The following PDE4D variants were observed in gnomAD, a reference collection of about 807,000 sequenced individuals.
PDE4D encodes phosphodiesterase 4D.
A neutral mutation model predicts 87.4 loss-of-function variants in PDE4D; 24 were observed. The ratio of observed to expected loss-of-function variants is 0.27; its 90% confidence interval spans 0.20 to 0.39. The LOEUF is 0.39. Ranked by LOEUF, PDE4D falls within the 10% of genes least tolerant of loss-of-function variation. PDE4D has a pLI of 1.00. For missense variants in PDE4D, 714 were observed against 1,041.0 expected, an observed-to-expected ratio of 0.69 and a Z score of 4.32; for synonymous variants, 384 against 383.2, an observed-to-expected ratio of 1.00 and a Z score of -0.02.
At chr5:60,077,160 G>A (rs1364851784) in intron 2 of PDE4D, among the ~76,000 whole-genome samples, 1 of 152,206 alleles carries the variant, frequency 6.6e-6, no homozygotes, top group African/African-American at 2.4e-5. Context: ...GGCAGGGCTG[G>A]TGGGCTCTGT....
Position 59,010,606 on chromosome 5 carries a change from T to C in PDE4D, c.922-17141A>G, listed in dbSNP as rs376683100. On this transcript the variant is annotated intron_variant, in intron 6 of 14. Transcript: ENST00000340635. ...CATCGAATAGCGAATGAGTATCCTT[T>C]GTATGCTCATTCTAGGCTGTAAGTA... Among the ~76,000 whole-genome samples the C allele has an allele frequency of 4.6e-5, 7 of 152,202 alleles. No individual in the cohort carries two copies. In the East Asian group the frequency reaches 9.7e-4, roughly 21 times the overall value.
At chr5:59,054,731 A>G (rs563119048) in intron 5 of PDE4D, among the ~76,000 whole-genome samples, 2 of 152,244 alleles carry the variant, frequency 1.3e-5, no homozygotes, top group Non-Finnish European at 2.9e-5. Context: ...TATCCTTACT[A>G]TGTATGATTC....
intron 1 of PDE4D, among the ~76,000 whole-genome samples, chr5:60,262,025 C>A (rs1749695803): frequency 6.6e-6 from 1 of 152,188 alleles, no homozygotes; most frequent in African/African-American, 2.4e-5. Context: ...TTTCTAGTCT[C>A]TTCACCAACC....
chr5:59,556,606 G>T (rs1478122888), intron 1 of PDE4D, among the ~76,000 whole-genome samples: 1 of 152,130 alleles, frequency 6.6e-6, no homozygotes, highest in African/African-American at 2.4e-5. Context: ...CTGAGAAATG[G>T]ATGTTGTGTT....
chr5:60,163,723 C>T lies in PDE4D; in HGVS notation c.42+21834G>A, dbSNP rs74399841. On this transcript the variant is annotated intron_variant, in intron 2 of 16. Coordinates refer to the PDE4D transcript ENST00000502484. ...ACTGCCAAGTCTGTAAACTTATTTC[C>T]TCCAACCTTTCATTCAAGGAGGCAC... 3.6e-3 allele frequency among the ~76,000 whole-genome samples: 549 copies of T among 152,260 alleles called. 21 individuals carry two copies. The East Asian group carries it at 0.086, about 24-fold the overall frequency.
chr5:60,334,310 C>T (rs1757559902), intron 1 of PDE4D, among the ~76,000 whole-genome samples: 1 of 152,084 alleles, frequency 6.6e-6, no homozygotes, highest in Non-Finnish European at 1.5e-5. Flanking sequence ...AACAACTCAC[C>T]CCAGCCTGAC....
chr5:59,507,664 C>CAAA (rs1284106865), intron 1 of PDE4D, among the ~76,000 whole-genome samples: 5 of 79,818 alleles, frequency 6.3e-5, no homozygotes, highest in African/African-American at 2.1e-4. Context: ...TACCCTGTCT[C>CAAA]AAAAAAAAAA....
At chr5:59,572,616 G>T (rs1396242999) in intron 1 of PDE4D, among the ~76,000 whole-genome samples, 1 of 152,132 alleles carries the variant, frequency 6.6e-6, no homozygotes, top group African/African-American at 2.4e-5. Context: ...GAGTAGCTGG[G>T]ACTACAGGCG....
intron 2 of PDE4D, among the ~76,000 whole-genome samples, chr5:60,153,926 G>C (rs1051414336): frequency 5.3e-5 from 8 of 152,176 alleles, no homozygotes; most frequent in Non-Finnish European, 1.0e-4. Flanking sequence ...ATAAGTCCTA[G>C]AGATTGTCAA....
At chr5:59,038,570 T>C (rs970531509) in intron 6 of PDE4D, among the ~76,000 whole-genome samples, 1 of 152,166 alleles carries the variant, frequency 6.6e-6, no homozygotes, top group Non-Finnish European at 1.5e-5. Context: ...GCAATGCCCA[T>C]GGACCCTACT....
chr5:60,269,548 CA>C (rs1192971655), intron 1 of PDE4D, among the ~76,000 whole-genome samples: 1 of 152,002 alleles, frequency 6.6e-6, no homozygotes, highest in Non-Finnish European at 1.5e-5. Context: ...CTTAAAAGAC[CA>C]ATTTGGTTAT....
intron 1 of PDE4D, among the ~76,000 whole-genome samples, chr5:60,440,742 A>G (rs539737872): frequency 7.0e-4 from 107 of 152,300 alleles, no homozygotes; most frequent in African/African-American, 2.4e-3. Context: ...TAATAATAGC[A>G]TAAATTCATT....
intron 1 of PDE4D, among the ~76,000 whole-genome samples, chr5:59,629,211 T>G (rs1831263610): frequency 6.6e-6 from 1 of 151,862 alleles, no homozygotes; most frequent in East Asian, 1.9e-4. Context: ...GACTTCTGAG[T>G]GTTGTTATGG....
chr5:59,738,317 G>A (rs1403866861), intron 1 of PDE4D, among the ~76,000 whole-genome samples: 1 of 152,084 alleles, frequency 6.6e-6, no homozygotes, highest in Non-Finnish European at 1.5e-5. Context: ...ATATGGGGCA[G>A]TACAATATAA....
chr5:60,379,767 C>CATCTCAGG (rs1479645396), intron 1 of PDE4D, among the ~76,000 whole-genome samples: 1 of 152,152 alleles, frequency 6.6e-6, no homozygotes, highest in African/African-American at 2.4e-5. Flanking sequence ...CTCCTCATCC[C>CATCTCAGG]ATCTCAGGAC....
chr5:59,741,267 T>C (rs1758792318), intron 1 of PDE4D, among the ~76,000 whole-genome samples: 1 of 152,190 alleles, frequency 6.6e-6, no homozygotes, highest in Admixed American at 6.6e-5. Flanking sequence ...TAGTCAAAAC[T>C]CAAGATGATC....
chr5:60,035,697 C>T (rs1767718802), intron 2 of PDE4D, among the ~76,000 whole-genome samples: 1 of 152,158 alleles, frequency 6.6e-6, no homozygotes. Flanking sequence ...GCCACCCCTC[C>T]TCCCAAATAG....
intron 1 of PDE4D, among the ~76,000 whole-genome samples, chr5:59,755,673 TAGA>T (rs1335485076): frequency 1.3e-5 from 2 of 151,912 alleles, no homozygotes; most frequent in African/African-American, 2.4e-5. Flanking sequence ...AATCACTCAA[TAGA>T]AGGTCATAAA....
At position 59,452,705 on chromosome 5, in the gene PDE4D, G is replaced by A. The variant is rs528859276; in HGVS notation, c.456-236737C>T. ...GTCTTGAGACCACAGCCTTCAGAGC[G>A]TAGCCTCCAACTATAAAGGGCAGAG... On this transcript the variant is annotated intron_variant, in intron 1 of 14. Transcript: ENST00000340635. 3.3e-4 allele frequency among the ~76,000 whole-genome samples: 50 copies of A among 152,300 alleles called. 1 individual carries two copies. The South Asian group carries it at 8.3e-3, about 25-fold the overall frequency.
Sources: gnomAD v4.1 joint callset for allele counts (sites outside exome capture counted in the v4.1 genomes callset) on GRCh38, gnomAD v4.1.1 for gene constraint, MANE v1.5 for transcripts, NCBI Gene and HGNC (gene_info 2026-07-23, HGNC 2026-07-21) for gene names.